The following ADAMTSL1 variants were observed in gnomAD, a reference collection of about 807,000 sequenced individuals.
The protein encoded by ADAMTSL1 is ADAMTS-like protein 1.
Under a neutral mutation model 201.8 loss-of-function variants are expected in ADAMTSL1, and 126 were observed. The observed-to-expected ratio is 0.62, with a 90% CI of 0.54 to 0.72. ADAMTSL1 has a LOEUF of 0.72. ADAMTSL1 is among the 30% of genes least tolerant of loss of function. The pLI, the probability that ADAMTSL1 is intolerant of heterozygous loss-of-function variation, is 0.00. For synonymous variants in ADAMTSL1, 1,121 were observed against 903.4 expected (o/e 1.24, Z -4.32); for missense variants, 2,679 against 2,277.8 (o/e 1.18, Z -3.59).
At chr9:17,939,793 C>T (rs947677753) in intron 1 of ADAMTSL1, among the ~76,000 whole-genome samples, 3 of 152,058 alleles carry the variant, frequency 2.0e-5, no homozygotes, top group Admixed American at 2.0e-4. Flanking sequence ...AGTACATAAT[C>T]TGAGGAACAG....
chr9:18,162,560 A>G (rs1274699784), intron 1 of ADAMTSL1, among the ~76,000 whole-genome samples: 1 of 152,042 alleles, frequency 6.6e-6, no homozygotes, highest in Non-Finnish European at 1.5e-5. Context: ...TCTTGGTATC[A>G]TATGAAAGTA....
chr9:18,869,219 C>G (rs986783156), intron 23 of ADAMTSL1, among the ~76,000 whole-genome samples: 13 of 152,198 alleles, frequency 8.5e-5, no homozygotes, highest in Non-Finnish European at 1.8e-4. Context: ...TGGAGCCAAC[C>G]TTGCCAGCAC....
At chr9:18,730,293 G>A (rs1818133484) in intron 15 of ADAMTSL1, among the ~76,000 whole-genome samples, 1 of 152,212 alleles carries the variant, frequency 6.6e-6, no homozygotes, top group Admixed American at 6.5e-5. Context: ...AGTAGGAAAA[G>A]GACTTGAGAA....
chr9:18,077,916 C>T (rs567267453), intron 1 of ADAMTSL1, among the ~76,000 whole-genome samples: 1 of 152,136 alleles, frequency 6.6e-6, no homozygotes. Context: ...TAGGAAGTTT[C>T]ATGGGTGAGA....
chr9:18,589,097 G>A (rs201818065), intron 4 of ADAMTSL1, among the ~76,000 whole-genome samples: 25 of 151,498 alleles, frequency 1.7e-4, no homozygotes, highest in African/African-American at 6.1e-4. Context: ...GGCTGGCCTC[G>A]AACTCCTGAC....
intron 1 of ADAMTSL1, among the ~76,000 whole-genome samples, chr9:17,941,860 C>G (rs1021329889): frequency 2.6e-5 from 4 of 152,110 alleles, no homozygotes; most frequent in African/African-American, 9.7e-5. Context: ...TGAGGGTCTA[C>G]TCCCTGCTTC....
intron 20 of ADAMTSL1, among the ~76,000 whole-genome samples, chr9:18,813,911 C>T (rs966957156): frequency 1.3e-5 from 2 of 152,122 alleles, no homozygotes; most frequent in Non-Finnish European, 2.9e-5. Flanking sequence ...GAAAAAATTT[C>T]AGTTATTCCC....
chr9:18,382,687 A>T (rs939641594), intron 2 of ADAMTSL1, among the ~76,000 whole-genome samples: 3 of 152,080 alleles, frequency 2.0e-5, no homozygotes, highest in African/African-American at 7.2e-5. Context: ...TTCAGGATGT[A>T]CCCTGAATAT....
At chr9:18,063,695 T>A (rs576445459) in intron 1 of ADAMTSL1, among the ~76,000 whole-genome samples, 89 of 152,302 alleles carry the variant, frequency 5.8e-4, no homozygotes, top group African/African-American at 2.0e-3. Context: ...TCCTGGATAG[T>A]TCCCACAGGC....
chr9:18,400,950 G>C (rs956391846), intron 2 of ADAMTSL1, among the ~76,000 whole-genome samples: 3 of 152,044 alleles, frequency 2.0e-5, no homozygotes, highest in African/African-American at 7.2e-5. Flanking sequence ...ACCTCACTAA[G>C]TCCAAACTAA....
intron 2 of ADAMTSL1, among the ~76,000 whole-genome samples, chr9:18,387,482 A>C (rs1423223206): frequency 6.6e-6 from 1 of 152,098 alleles, no homozygotes; most frequent in African/African-American, 2.4e-5. Flanking sequence ...TGCATTTCTA[A>C]ATTATTACTA....
rs1440483712 is a variant in ADAMTSL1 at position 18,310,399 on chromosome 9, A to AAAAAAAC, written c.207+146418_207+146419insAAAAAAC. On this transcript the variant is annotated intron_variant, in intron 2 of 29. Transcript: ENST00000680146. ...AAAAAAAAAAAAAAAAAAAAAAAAA[A>AAAAAAAC]CTATCTTCAGAGTGAACAGGCAACC... Among the ~76,000 whole-genome samples, 781 of 127,316 alleles carry AAAAAAAC rather than the reference A, an allele frequency of 6.1e-3. 37 individuals carry two copies. Among genetic ancestry groups the AAAAAAAC allele is most frequent in the Non-Finnish European group, 9.9e-3 (578 of 58,206 alleles). 83.5% of individuals were successfully genotyped at this position (127,316 alleles called of 152,430 possible). A position where few individuals can be genotyped will look rare whatever the true frequency, so the allele number is the denominator to read the frequency against.
chr9:18,391,577 G>A (rs1838046977), intron 2 of ADAMTSL1, among the ~76,000 whole-genome samples: 1 of 151,954 alleles, frequency 6.6e-6, no homozygotes, highest in Non-Finnish European at 1.5e-5. Flanking sequence ...ATCAGTAACT[G>A]AAATATGGGA....
chr9:18,604,388 A>G (rs1298056604), intron 4 of ADAMTSL1, among the ~76,000 whole-genome samples: 1 of 152,204 alleles, frequency 6.6e-6, no homozygotes, highest in Non-Finnish European at 1.5e-5. Flanking sequence ...GAAAACTTTG[A>G]AGAGGAAACT....
At chr9:17,996,978 C>G (rs866953056) in intron 1 of ADAMTSL1, among the ~76,000 whole-genome samples, 15 of 152,126 alleles carry the variant, frequency 9.9e-5, no homozygotes, top group African/African-American at 3.6e-4. Context: ...CTGATTTAAC[C>G]TCCTTGCTAT....
intron 2 of ADAMTSL1, among the ~76,000 whole-genome samples, chr9:18,201,976 A>G (rs1829467037): frequency 2.0e-5 from 3 of 152,176 alleles, no homozygotes; most frequent in African/African-American, 7.2e-5. Context: ...CATTAAATTG[A>G]CATACTTTCT....
At chr9:18,091,197 C>T (rs953343168) in intron 1 of ADAMTSL1, among the ~76,000 whole-genome samples, 3 of 151,970 alleles carry the variant, frequency 2.0e-5, no homozygotes, top group African/African-American at 7.3e-5. Context: ...GTATCACTGA[C>T]ACAATTTTTC....
At chr9:18,127,171 G>A (rs1054676804) in intron 1 of ADAMTSL1, among the ~76,000 whole-genome samples, 1 of 152,120 alleles carries the variant, frequency 6.6e-6, no homozygotes, top group African/African-American at 2.4e-5. Flanking sequence ...AAAAGCATGT[G>A]GAGACAACCA....
intron 20 of ADAMTSL1, among the ~76,000 whole-genome samples, chr9:18,814,440 T>C (rs887992713): frequency 2.0e-5 from 3 of 152,190 alleles, no homozygotes; most frequent in East Asian, 1.9e-4. Flanking sequence ...ATCTACAGAA[T>C]GAGATAAAAT....
Sources: allele counts gnomAD v4.1 joint callset (sites outside exome capture counted in the v4.1 genomes callset), GRCh38; gene constraint gnomAD v4.1.1; transcripts MANE v1.5; gene names NCBI Gene and HGNC (gene_info 2026-07-23, HGNC 2026-07-21).